The following DCDC1 variants were observed in gnomAD, a reference collection of about 807,000 sequenced individuals.
DCDC1 encodes doublecortin domain containing 1, also known as doublecortin domain-containing protein 1.
Under a neutral mutation model 178.3 loss-of-function variants are expected in DCDC1, and 200 were observed. The ratio of observed to expected loss-of-function variants is 1.12; its 90% CI spans 1.00 to 1.26. The LOEUF (loss-of-function observed/expected upper bound fraction) is 1.26. Ranked by LOEUF, DCDC1 falls within the 50% of genes most tolerant of loss-of-function variation. DCDC1 has a pLI of 0.00. For synonymous variants in DCDC1, 690 were observed against 604.8 expected (o/e 1.14, Z -2.07); for missense variants, 1,983 against 1,749.2 (o/e 1.13, Z -2.38).
chr11:31,328,065 C>T (rs1949745535), intron 3 of DCDC1, 52 bp downstream of exon 3: 8 of 1,492,062 alleles, frequency 5.4e-6, no homozygotes, highest in African/African-American at 1.4e-5. Flanking sequence ...TTTCTATAAA[C>T]ACTTTTATCC....
At chr11:31,005,046 T>C (rs1951766066) in intron 20 of DCDC1, among the ~76,000 whole-genome samples, 1 of 152,166 alleles carries the variant, frequency 6.6e-6, no homozygotes, top group African/African-American at 2.4e-5. Flanking sequence ...GATATGATAT[T>C]TTATATCTCT....
intron 18 of DCDC1, among the ~76,000 whole-genome samples, chr11:31,074,326 T>G (rs921345824): frequency 6.6e-6 from 1 of 152,112 alleles, no homozygotes; most frequent in African/African-American, 2.4e-5. Context: ...CAAAAGTCAT[T>G]TGCTATGGTC....
intron 9 of DCDC1, among the ~76,000 whole-genome samples, chr11:31,225,885 A>G (rs1462353024): frequency 6.6e-6 from 1 of 152,010 alleles, no homozygotes; most frequent in Non-Finnish European, 1.5e-5. Flanking sequence ...AAAGAAGTAC[A>G]TTCCTATTCC....
chr11:31,137,034 A>G (rs1963213906), intron 10 of DCDC1, among the ~76,000 whole-genome samples: 1 of 152,220 alleles, frequency 6.6e-6, no homozygotes, highest in African/African-American at 2.4e-5. Context: ...ACAGCAAGAT[A>G]TAGTATTTAT....
intron 22 of DCDC1, among the ~76,000 whole-genome samples, chr11:30,929,384 T>C: frequency 6.6e-6 from 1 of 152,126 alleles, no homozygotes; most frequent in Non-Finnish European, 1.5e-5. Context: ...GAATACACAG[T>C]AGACACAACT....
rs531809947 is a variant in DCDC1, at chr11:30,881,168, T to G, written c.5223A>C (p.Lys1741Asn). 1 of 1,613,268 alleles carries G rather than the reference T, an allele frequency of 6.2e-7. No individual in the cohort carries two copies. The highest frequency in any genetic ancestry group is 2.2e-5 in the East Asian group (1 of 44,844). ...VICVSMGHGF[K>N]TPKELKQLME... ...AACTATCATGCATACCTTTTGGGGT[T>G]TTGAAACCATGTCCCATAGACACAC... Residue 1741 changes from lysine to asparagine, a missense_variant, in exon 37 of 39, where the codon AAA becomes AAC. Coordinates refer to ENST00000684477, the MANE Select transcript of DCDC1 (RefSeq NM_001387274.1).
At chr11:31,262,350 G>C (rs560947569) in intron 8 of DCDC1, among the ~76,000 whole-genome samples, 29 of 152,070 alleles carry the variant, frequency 1.9e-4, no homozygotes, top group African/African-American at 6.7e-4. Flanking sequence ...CTTTTCAAAG[G>C]TTTACTTGAC....
chr11:31,011,046 G>A (rs1228977693), intron 20 of DCDC1, among the ~76,000 whole-genome samples: 5 of 152,036 alleles, frequency 3.3e-5, no homozygotes, highest in Non-Finnish European at 4.4e-5. Context: ...ATATGACAGA[G>A]GTGATGTTAA....
chr11:31,265,560 G>A lies in DCDC1; in HGVS notation c.1001C>T (p.Pro334Leu). Residue 334 changes from proline to leucine, a missense_variant, in exon 8 of 39, where the codon CCA becomes CTA. Coordinates refer to ENST00000684477, the MANE Select transcript of DCDC1 (RefSeq NM_001387274.1). ...TCTIRMNLNL[P>L]ARYFYDLYGR... ...ATACAAATCATAAAAATATCTGGCTGGTAAATTTAGATTCATTCTTATTGT... is the reference window on the plus strand; with the variant it reads ...ATACAAATCATAAAAATATCTGGCTAGTAAATTTAGATTCATTCTTATTGT... 7.0e-7 allele frequency: 1 copy of A among 1,432,882 alleles called. No individual in the cohort carries two copies. The allele number at this position is 1,432,882 out of a possible 1,614,324, so 88.8% of individuals were successfully genotyped here. A position where few individuals can be genotyped will look rare whatever the true frequency, so the allele number is the denominator to read the frequency against.
chr11:31,349,476 T>C (rs538537093), intron 1 of DCDC1, among the ~76,000 whole-genome samples: 6 of 152,282 alleles, frequency 3.9e-5, no homozygotes, highest in South Asian at 2.1e-4. Flanking sequence ...CTCCAACTGG[T>C]TGAATTTTCA....
At chr11:30,878,135 T>C (rs796975462) in intron 38 of DCDC1, among the ~76,000 whole-genome samples, 4 of 152,198 alleles carry the variant, frequency 2.6e-5, no homozygotes, top group African/African-American at 9.6e-5. Context: ...TGTCACTTTA[T>C]GTAAAATGCG....
chr11:31,328,315 T>A (rs571780151), intron 2 of DCDC1, 29 bp from the exon 3 acceptor site: 1 of 1,530,080 alleles, frequency 6.5e-7, no homozygotes, highest in Admixed American at 2.0e-5. Context: ...GTTATTTAAT[T>A]TTAAATGTAA....
chr11:31,110,937 A>G (rs553170622), intron 11 of DCDC1, among the ~76,000 whole-genome samples: 11 of 151,960 alleles, frequency 7.2e-5, no homozygotes, highest in South Asian at 4.2e-4. Context: ...TTGAGAACAG[A>G]GATAAAATTC....
intron 20 of DCDC1, among the ~76,000 whole-genome samples, chr11:31,057,265 A>AGGG (rs1565229600): frequency 3.9e-5 from 5 of 128,224 alleles, no homozygotes; most frequent in African/African-American, 1.2e-4. Flanking sequence ...GGAAGGAAGG[A>AGGG]AGGGAGGGAG....
intron 9 of DCDC1, among the ~76,000 whole-genome samples, chr11:31,164,538 C>CT (rs36034307): frequency 2.1e-4 from 31 of 151,188 alleles, no homozygotes; most frequent in African/African-American, 5.6e-4. Flanking sequence ...TTGTGTCAGT[C>CT]TTTTTTTTAA....
intron 8 of DCDC1, among the ~76,000 whole-genome samples, chr11:31,245,200 T>TC (rs894772209): frequency 4.1e-5 from 6 of 146,312 alleles, no homozygotes; most frequent in East Asian, 2.0e-4. Context: ...TCTCTCTCTC[T>TC]TTTTTTTTTT....
chr11:31,149,445 A>G (rs1277007888), intron 9 of DCDC1, among the ~76,000 whole-genome samples: 1 of 152,174 alleles, frequency 6.6e-6, no homozygotes, highest in East Asian at 1.9e-4. Context: ...TGGACCAATC[A>G]GCAGGATGTG....
intron 8 of DCDC1, among the ~76,000 whole-genome samples, chr11:31,244,019 C>T (rs1035308845): frequency 6.6e-6 from 1 of 151,626 alleles, no homozygotes; most frequent in Non-Finnish European, 1.5e-5. Context: ...GAAGACAAAG[C>T]ACACTCCAAG....
In DCDC1 at chr11:30,915,589, C is replaced by T. The variant is rs758336719; in HGVS notation, c.3575G>A (p.Arg1192Gln). 78 of 1,613,836 alleles carry T rather than the reference C, an allele frequency of 4.8e-5. No homozygotes were observed. The highest frequency in any genetic ancestry group is 1.9e-4 in the South Asian group (17 of 91,090). Reference sequence around the variant, plus strand: ...CACCAAAACCACCTCCATGCCTGATCGGAGATTGGGACCTTGAACCCCCAA... The same window carrying T: ...CACCAAAACCACCTCCATGCCTGATTGGAGATTGGGACCTTGAACCCCCAA... The part of the protein sequence containing the change: ...LVLGVQGPNL[R>Q]SGMEVVLVEK... Residue 1192 changes from arginine to glutamine, a missense_variant, in exon 27 of 39, where the codon CGA becomes CAA. Arg to Gln is a conservative substitution (Grantham distance 43). Coordinates refer to ENST00000684477, the MANE Select transcript of DCDC1 (RefSeq NM_001387274.1).
Sources: gnomAD v4.1 joint callset for allele counts (sites outside exome capture counted in the v4.1 genomes callset) on GRCh38, gnomAD v4.1.1 for gene constraint, MANE v1.5 for transcripts, NCBI Gene and HGNC (gene_info 2026-07-23, HGNC 2026-07-21) for gene names.